The following RBFOX1 variants were observed in gnomAD, a reference collection of about 807,000 sequenced individuals.
RBFOX1 encodes RNA binding fox-1 homolog 1, also known as RNA binding protein fox-1 homolog 1.
RBFOX1 carries 8 observed loss-of-function variants against 57.7 expected under a neutral mutation model. The ratio of observed to expected loss-of-function variants is 0.14; its 90% CI spans 0.08 to 0.25. RBFOX1 has a LOEUF of 0.25. Among genes scored for constraint, RBFOX1 ranks in the 10% least tolerant of loss-of-function variants. RBFOX1 has a pLI of 1.00. For missense variants in RBFOX1, 611 were observed against 548.5 expected (o/e 1.11, Z -1.14); for synonymous variants, 326 against 222.4 (o/e 1.47, Z -4.15).
At chr16:6,661,448 G>T (rs964398714) in intron 3 of RBFOX1, among the ~76,000 whole-genome samples, 2 of 152,184 alleles carry the variant, frequency 1.3e-5, no homozygotes, top group Admixed American at 1.3e-4. Flanking sequence ...TAGGTAGCAG[G>T]TTATGGAGGG....
In RBFOX1 at chr16:6,091,540, T is replaced by C. The variant is rs192783421; in HGVS notation, c.-127+71548T>C. ...ACATGGTAGGTATTCAAAAAAAACA[T>C]TTGTTGAGGCCGAGTGTCATGGCTC... On this transcript the variant is annotated intron_variant, in intron 1 of 15. Coordinates refer to ENST00000550418, the MANE Select transcript of RBFOX1 (RefSeq NM_018723.4). 2.9e-3 allele frequency among the ~76,000 whole-genome samples: 443 copies of C among 151,352 alleles called. 3 individuals are homozygous for C. The highest frequency in any genetic ancestry group is 9.7e-3 in the African/African-American group (397 of 41,124).
intron 3 of RBFOX1, among the ~76,000 whole-genome samples, chr16:5,754,178 T>C (rs2053314763): frequency 6.6e-6 from 1 of 152,212 alleles, no homozygotes; most frequent in Non-Finnish European, 1.5e-5. Flanking sequence ...CGGAATAGTT[T>C]TGAATCCCAC....
Position 7,642,685 on chromosome 16 carries a change from T to C in RBFOX1, c.758-11130T>C, listed in dbSNP as rs546602551. ...GGATAAAGTAATTATATAAATTATT[T>C]GGGTTTTTTTTTTCCGTGGTTTCCC... On this transcript the variant is annotated intron_variant, in intron 11 of 15. Coordinates refer to ENST00000550418, the MANE Select transcript of RBFOX1 (RefSeq NM_018723.4). 2.0e-5 allele frequency among the ~76,000 whole-genome samples: 3 copies of C among 152,276 alleles called. No individual in the cohort carries two copies. The South Asian group carries it at 6.2e-4, about 32-fold the overall frequency.
intron 2 of RBFOX1, among the ~76,000 whole-genome samples, chr16:6,469,256 A>G (rs1597688727): frequency 2.0e-5 from 3 of 152,304 alleles, no homozygotes; most frequent in East Asian, 3.9e-4. Context: ...GCCAAACCTA[A>G]TAAGAGTACT....
At chr16:6,865,350 G>A (rs186713875) in intron 3 of RBFOX1, among the ~76,000 whole-genome samples, 62 of 152,052 alleles carry the variant, frequency 4.1e-4, no homozygotes, top group African/African-American at 1.4e-3. Context: ...AATAATATGT[G>A]TTCATTGTAG....
At chr16:6,737,546 A>G (rs1387726887) in intron 3 of RBFOX1, among the ~76,000 whole-genome samples, 2 of 152,212 alleles carry the variant, frequency 1.3e-5, no homozygotes, top group East Asian at 1.9e-4. Flanking sequence ...TTGCTGCTCA[A>G]CATCAGTTTT....
At chr16:6,439,298 A>G (rs1034779957) in intron 2 of RBFOX1, among the ~76,000 whole-genome samples, 1 of 152,182 alleles carries the variant, frequency 6.6e-6, no homozygotes, top group African/African-American at 2.4e-5. Context: ...ATAATCAAAC[A>G]CCATCCACCC....
At chr16:5,605,225 T>G (rs998458568) in intron 3 of RBFOX1, among the ~76,000 whole-genome samples, 2 of 152,236 alleles carry the variant, frequency 1.3e-5, no homozygotes, top group Admixed American at 6.5e-5. Flanking sequence ...ATTTCATCTC[T>G]GATTCCACCA....
Position 7,391,349 on chromosome 16 carries a change from C to T in RBFOX1, c.28-126798C>T, listed in dbSNP as rs932058630. ...TCATGGAGGTAGAGGAAAGAAGTTT[C>T]GCGTCCCAAGATCTCCAAGGATACC... On this transcript the variant is annotated intron_variant, in intron 4 of 15. Coordinates refer to ENST00000550418, the MANE Select transcript of RBFOX1 (RefSeq NM_018723.4). Among the ~76,000 whole-genome samples the T allele has an allele frequency of 4.6e-5, 7 of 152,122 alleles. No homozygotes were observed. The South Asian group carries it at 6.2e-4, about 14-fold the overall frequency.
At chr16:7,672,221 A>G (rs1020501672) in intron 13 of RBFOX1, among the ~76,000 whole-genome samples, 6 of 152,224 alleles carry the variant, frequency 3.9e-5, no homozygotes, top group East Asian at 3.9e-4. Context: ...GTAGGAAGAA[A>G]AAAAGTCAAC....
At chr16:6,606,412 T>A (rs574906070) in intron 2 of RBFOX1, among the ~76,000 whole-genome samples, 1 of 152,204 alleles carries the variant, frequency 6.6e-6, no homozygotes, top group Non-Finnish European at 1.5e-5. Flanking sequence ...CGTGCAGATT[T>A]GTTACACAGG....
intron 3 of RBFOX1, among the ~76,000 whole-genome samples, chr16:6,733,335 C>A (rs2069162806): frequency 6.6e-6 from 1 of 152,140 alleles, no homozygotes; most frequent in African/African-American, 2.4e-5. Flanking sequence ...TGTAGTCCTT[C>A]CATCCTTCCA....
At chr16:6,012,132 C>G (rs1488715049) in intron 4 of RBFOX1, among the ~76,000 whole-genome samples, 1 of 152,178 alleles carries the variant, frequency 6.6e-6, no homozygotes, top group African/African-American at 2.4e-5. Flanking sequence ...CATCACTGAG[C>G]TGGATTTGGA....
intron 4 of RBFOX1, among the ~76,000 whole-genome samples, chr16:7,141,524 C>T (rs977450537): frequency 6.6e-6 from 1 of 152,186 alleles, no homozygotes; most frequent in East Asian, 1.9e-4. Context: ...TAGAGTGCAT[C>T]AAGGATCATT....
At chr16:5,975,147 A>C (rs377481056) in intron 4 of RBFOX1, among the ~76,000 whole-genome samples, 1 of 152,252 alleles carries the variant, frequency 6.6e-6, no homozygotes, top group South Asian at 2.1e-4. Context: ...TTAATAAATC[A>C]TGGCACATAA....
chr16:6,697,396 A>G (rs975067), intron 3 of RBFOX1, among the ~76,000 whole-genome samples: 135,086 of 152,170 alleles, frequency 0.89, 60,866 homozygotes, highest in Middle Eastern at 0.98. Context: ...CCCAATTCAA[A>G]CTACCTTCAA....
rs147242174 is a variant in RBFOX1, at chr16:7,141,583, C to T, written c.27+89485C>T. On this transcript the variant is annotated intron_variant, in intron 4 of 15. Coordinates refer to ENST00000550418, the MANE Select transcript of RBFOX1 (RefSeq NM_018723.4). ...TTGGAAGGTGGGGCCATTTATGGCT[C>T]CCTGTACCAGATGAAAGATTGCATG... 3.3e-4 allele frequency among the ~76,000 whole-genome samples: 50 copies of T among 152,180 alleles called. No homozygotes were observed. The East Asian group carries it at 9.3e-3, about 28-fold the overall frequency.
At chr16:5,873,321 T>C (rs766102396) in intron 4 of RBFOX1, among the ~76,000 whole-genome samples, 1 of 152,190 alleles carries the variant, frequency 6.6e-6, no homozygotes, top group East Asian at 1.9e-4. Flanking sequence ...TTAATTCACA[T>C]TGGAGTTAAT....
chr16:7,248,437 C>A (rs563713073), intron 4 of RBFOX1, among the ~76,000 whole-genome samples: 1 of 152,110 alleles, frequency 6.6e-6, no homozygotes, highest in Non-Finnish European at 1.5e-5. Context: ...TCTTTCCAGT[C>A]ATTTGGGGGA....
Sources: gnomAD v4.1 joint callset for allele counts (sites outside exome capture counted in the v4.1 genomes callset) on GRCh38, gnomAD v4.1.1 for gene constraint, MANE v1.5 for transcripts, NCBI Gene and HGNC (gene_info 2026-07-23, HGNC 2026-07-21) for gene names.